CYP7B1: variants seen among roughly 807,000 people sequenced by gnomAD.
CYP7B1 encodes the protein cytochrome P450 7B1.
Under a neutral mutation model 42.7 loss-of-function variants are expected in CYP7B1, and 29 were observed. The ratio of observed to expected loss-of-function variants is 0.68; its 90% CI spans 0.51 to 0.93. CYP7B1 has a LOEUF of 0.93. CYP7B1 is among the 40% of genes least tolerant of loss of function. The pLI is 0.00. For synonymous variants in CYP7B1, 235 were observed against 218.2 expected, an observed-to-expected ratio of 1.08 and a Z score of -0.68; for missense variants, 655 against 600.5, an observed-to-expected ratio of 1.09 and a Z score of -0.95.
chr8:64,663,165 C>T (rs1234029358), intron 1 of CYP7B1, among the ~76,000 whole-genome samples: 1 of 152,132 alleles, frequency 6.6e-6, no homozygotes, highest in Non-Finnish European at 1.5e-5. Flanking sequence ...TAGAAGATAA[C>T]TGCTTTATTT....
chr8:64,740,443 T>C (rs1351795897), intron 1 of CYP7B1, among the ~76,000 whole-genome samples: 1 of 151,594 alleles, frequency 6.6e-6, no homozygotes, highest in Non-Finnish European at 1.5e-5. Flanking sequence ...CAAGAAATTA[T>C]AGAAATGAGC....
rs527868113 is a variant in CYP7B1 at position 64,593,656 on chromosome 8, T to G, written c.*2986A>C. On this transcript the variant is annotated 3_prime_UTR_variant, in exon 6 of 6. Transcript: ENST00000310193. ...AACTTTAAATCTAGGTCTAAAGATTTTTCAGAGATAAAAATCCAAGGAACA... is the reference window on the plus strand; with the variant it reads ...AACTTTAAATCTAGGTCTAAAGATTGTTCAGAGATAAAAATCCAAGGAACA... Among the ~76,000 whole-genome samples, 1 of 152,262 alleles carries G rather than the reference T, an allele frequency of 6.6e-6. No individual in the cohort carries two copies. The highest frequency in any genetic ancestry group is 2.4e-5 in the African/African-American group (1 of 41,568).
At chr8:64,629,618 G>A (rs1417890724) in intron 1 of CYP7B1, among the ~76,000 whole-genome samples, 1 of 149,350 alleles carries the variant, frequency 6.7e-6, no homozygotes, top group Non-Finnish European at 1.5e-5. Flanking sequence ...TTTTTTTTTT[G>A]AGCAAGGCAC....
intron 1 of CYP7B1, among the ~76,000 whole-genome samples, chr8:64,775,582 T>C (rs1804311212): frequency 1.3e-5 from 2 of 152,092 alleles, no homozygotes; most frequent in Non-Finnish European, 2.9e-5. Flanking sequence ...GAGTAAAAAA[T>C]AGACCTTGAT....
At chr8:64,650,891 C>A (rs1056162028) in intron 1 of CYP7B1, among the ~76,000 whole-genome samples, 6 of 152,116 alleles carry the variant, frequency 3.9e-5, no homozygotes, top group Non-Finnish European at 5.9e-5. Flanking sequence ...TATTCTGGGG[C>A]CTTCTCCATA....
chr8:64,644,250 C>T (rs565917133), intron 1 of CYP7B1, among the ~76,000 whole-genome samples: 4 of 147,572 alleles, frequency 2.7e-5, no homozygotes, highest in South Asian at 2.1e-4. Context: ...CCAGCCTGGG[C>T]GACAGAGTGG....
chr8:64,633,441 G>T (rs933057053), intron 1 of CYP7B1, among the ~76,000 whole-genome samples: 1 of 152,126 alleles, frequency 6.6e-6, no homozygotes, highest in African/African-American at 2.4e-5. Flanking sequence ...AAAGTCAATT[G>T]CTTTGTTATA....
chr8:64,599,116 G>C (rs1044682846), intron 5 of CYP7B1, among the ~76,000 whole-genome samples: 2 of 152,120 alleles, frequency 1.3e-5, no homozygotes, highest in Admixed American at 6.6e-5. Flanking sequence ...CAAAGGTACA[G>C]GAAGCTCAAG....
rs990739452 is a variant in CYP7B1 at position 64,615,927 on chromosome 8, T to C, written c.614A>G (p.Asn205Ser). The C allele has an allele frequency of 1.9e-6, 3 of 1,613,644 alleles. No homozygotes were observed. Among genetic ancestry groups the C allele is most frequent in the Middle Eastern group, 1.7e-4 (1 of 6,056 alleles). The change falls in exon 3 of 6, where the codon AAC (asparagine) becomes AGC (serine). Residue 205 changes from asparagine to serine, a missense_variant. Asn to Ser is a conservative substitution (Grantham distance 46). Transcript: ENST00000310193. Reference protein sequence around the residue: ...TIYGKVIVCDNNKFISELRDD... With the variant: ...TIYGKVIVCDSNKFISELRDD... Reference sequence around the variant, plus strand: ...TCTTAGCTCACTAATAAATTTGTTGTTGTCACAAACAATAACTTTTCCATA... The same window carrying C: ...TCTTAGCTCACTAATAAATTTGTTGCTGTCACAAACAATAACTTTTCCATA...
chr8:64,731,790 T>C (rs1807413781), intron 1 of CYP7B1, among the ~76,000 whole-genome samples: 1 of 152,164 alleles, frequency 6.6e-6, no homozygotes, highest in Admixed American at 6.5e-5. Flanking sequence ...TGACATGGTG[T>C]CCGGTGTCCC....
At chr8:64,672,958 T>A (rs760177387) in intron 1 of CYP7B1, among the ~76,000 whole-genome samples, 3 of 152,134 alleles carry the variant, frequency 2.0e-5, no homozygotes, top group Non-Finnish European at 4.4e-5. Flanking sequence ...AAATATTTAC[T>A]CTGTGCAGTT....
At chr8:64,727,396 T>C (rs1187522194) in intron 1 of CYP7B1, among the ~76,000 whole-genome samples, 3 of 152,210 alleles carry the variant, frequency 2.0e-5, no homozygotes, top group Admixed American at 6.5e-5. Flanking sequence ...TTACTTTTTG[T>C]TCACTTGAGA....
rs1453879663 is a variant in CYP7B1, at chr8:64,615,134, C to A, written c.949G>T (p.Ala317Ser). ...YLLRHPEAMA[A>S]VRDEIDRLLQ... ...AAACGGTCAATTTCGTCACGCACTG[C>A]TGCCATAGCTTCTGGGTGCCGCAGA... is the stretch of plus-strand genomic sequence containing the variant. The change falls in exon 4 of 6, where the codon GCA becomes TCA. Residue 317 changes from alanine to serine, a missense_variant. Transcript: ENST00000310193. 6.2e-7 allele frequency: 1 copy of A among 1,613,548 alleles called. No individual in the cohort carries two copies. Among genetic ancestry groups the A allele is most frequent in the Non-Finnish European group, 8.5e-7 (1 of 1,179,814 alleles).
intron 1 of CYP7B1, among the ~76,000 whole-genome samples, chr8:64,790,232 T>C (rs1297541835): frequency 1.3e-5 from 2 of 152,206 alleles, no homozygotes; most frequent in African/African-American, 4.8e-5. Context: ...CAATGTTTGA[T>C]CTTCTGGGCC....
chr8:64,718,139 T>C (rs1391060818), intron 1 of CYP7B1, among the ~76,000 whole-genome samples: 1 of 152,076 alleles, frequency 6.6e-6, no homozygotes, highest in African/African-American at 2.4e-5. Flanking sequence ...TTCAAAGGTC[T>C]AAATAAAGTA....
chr8:64,688,359 CCTT>C (rs1200451852), intron 1 of CYP7B1, among the ~76,000 whole-genome samples: 1 of 152,138 alleles, frequency 6.6e-6, no homozygotes, highest in African/African-American at 2.4e-5. Context: ...CTCCTTTCTT[CCTT>C]CTTTCCTTCC....
At chr8:64,732,314 T>G (rs1456185661) in intron 1 of CYP7B1, among the ~76,000 whole-genome samples, 1 of 152,218 alleles carries the variant, frequency 6.6e-6, no homozygotes, top group Non-Finnish European at 1.5e-5. Context: ...GGATGTGAGA[T>G]ATGAAGTCCA....
chr8:64,703,866 A>G (rs1255777270), intron 1 of CYP7B1: 1 of 152,078 alleles, frequency 6.6e-6, no homozygotes, highest in Non-Finnish European at 1.5e-5. Flanking sequence ...GAAGGACTTC[A>G]TCTTCATCCT....
intron 1 of CYP7B1, among the ~76,000 whole-genome samples, chr8:64,705,625 T>C (rs1806987720): frequency 6.6e-6 from 1 of 152,004 alleles, no homozygotes; most frequent in Non-Finnish European, 1.5e-5. Context: ...TTACTTAGAA[T>C]TGACGGTTTT....
Sources: allele counts gnomAD v4.1 joint callset (sites outside exome capture counted in the v4.1 genomes callset), GRCh38; gene constraint gnomAD v4.1.1; transcripts MANE v1.5; gene names NCBI Gene and HGNC (gene_info 2026-07-23, HGNC 2026-07-21).